The following PHACTR1 variants were observed in gnomAD, a reference collection of about 807,000 sequenced individuals.
PHACTR1 encodes the protein phosphatase and actin regulator 1, also known as RPEL repeat containing 1.
In PHACTR1, 16 loss-of-function variants were observed where a neutral mutation model predicts 69.2. That is an observed-to-expected ratio of 0.23 (90% CI 0.16 to 0.35). The LOEUF (loss-of-function observed/expected upper bound fraction) is 0.35, where lower values mean the gene tolerates loss of function less well. Ranked by LOEUF, PHACTR1 falls within the 10% of genes least tolerant of loss-of-function variation. PHACTR1 has a pLI of 1.00. For synonymous variants in PHACTR1, 312 were observed against 284.5 expected, an observed-to-expected ratio of 1.10 and a Z score of -0.97; for missense variants, 510 against 734.7, an observed-to-expected ratio of 0.69 and a Z score of 3.54.
intron 4 of PHACTR1, among the ~76,000 whole-genome samples, chr6:12,895,228 C>CTGG (rs1784548378): frequency 7.5e-6 from 1 of 133,392 alleles, no homozygotes; most frequent in Non-Finnish European, 1.5e-5. Context: ...GTTGCCCAGG[C>CTGG]TGGAGTGCAA....
intron 10 of PHACTR1, among the ~76,000 whole-genome samples, chr6:13,249,175 C>T (rs1045209278): frequency 7.9e-5 from 12 of 152,100 alleles, no homozygotes; most frequent in Non-Finnish European, 1.6e-4. Context: ...AGGAAACAGG[C>T]CCCACAGCAG....
chr6:13,158,601 A>T (rs1212582414), intron 5 of PHACTR1, among the ~76,000 whole-genome samples: 6 of 152,220 alleles, frequency 3.9e-5, no homozygotes, highest in African/African-American at 1.4e-4. Flanking sequence ...ATAATTAGTG[A>T]TTCTCAGCCG....
intron 8 of PHACTR1, among the ~76,000 whole-genome samples, chr6:13,219,838 G>A (rs1265168005): frequency 2.0e-5 from 3 of 152,162 alleles, no homozygotes; most frequent in Non-Finnish European, 4.4e-5. Context: ...GCATTTCATA[G>A]TCAGCATATA....
chr6:13,024,396 G>A (rs113203587), intron 4 of PHACTR1, among the ~76,000 whole-genome samples: 18 of 152,262 alleles, frequency 1.2e-4, no homozygotes, highest in African/African-American at 3.4e-4. Context: ...AACTGTCACC[G>A]GTCTGATGAG....
chr6:12,825,534 A>G (rs1776702752), intron 4 of PHACTR1, among the ~76,000 whole-genome samples: 1 of 152,164 alleles, frequency 6.6e-6, no homozygotes, highest in Non-Finnish European at 1.5e-5. Context: ...AATACAGCCA[A>G]TTTGTATTTT....
intron 4 of PHACTR1, among the ~76,000 whole-genome samples, chr6:12,801,216 A>C (rs916514507): frequency 1.3e-5 from 2 of 152,224 alleles, no homozygotes; most frequent in African/African-American, 4.8e-5. Context: ...TATTATAAAA[A>C]GGCTGAAAAG....
intron 5 of PHACTR1, among the ~76,000 whole-genome samples, chr6:13,114,431 G>A (rs182474631): frequency 8.5e-5 from 13 of 152,242 alleles, no homozygotes. Context: ...GCAGCATCGA[G>A]TCAACCCTCC....
chr6:13,111,181 A>G (rs138134472), intron 5 of PHACTR1, among the ~76,000 whole-genome samples: 239 of 152,322 alleles, frequency 1.6e-3, no homozygotes, highest in African/African-American at 5.4e-3. Context: ...AGCTCTTTGT[A>G]CAAATTACCA....
chr6:12,887,004 C>G (rs1211243654), intron 4 of PHACTR1, among the ~76,000 whole-genome samples: 1 of 152,096 alleles, frequency 6.6e-6, no homozygotes, highest in Non-Finnish European at 1.5e-5. Context: ...GATAAAATGG[C>G]TCCTCCTCCC....
chr6:13,180,214 GAT>G (rs1445994298), intron 6 of PHACTR1, among the ~76,000 whole-genome samples: 1 of 152,164 alleles, frequency 6.6e-6, no homozygotes, highest in Non-Finnish European at 1.5e-5. Flanking sequence ...GTAGGGTGGT[GAT>G]ATGATTAGTG....
intron 5 of PHACTR1, among the ~76,000 whole-genome samples, chr6:13,124,461 A>G (rs2127952228): frequency 6.6e-6 from 1 of 152,150 alleles, no homozygotes; most frequent in East Asian, 1.9e-4. Flanking sequence ...GGCTCACATG[A>G]CTCAGTCATT....
intron 8 of PHACTR1, among the ~76,000 whole-genome samples, chr6:13,224,319 G>C (rs1024826322): frequency 6.6e-6 from 1 of 152,206 alleles, no homozygotes; most frequent in Non-Finnish European, 1.5e-5. Context: ...CAAGTATTGA[G>C]AGAGAAATAG....
At chr6:13,239,439 G>A (rs1467541275) in intron 10 of PHACTR1, among the ~76,000 whole-genome samples, 1 of 152,076 alleles carries the variant, frequency 6.6e-6, no homozygotes, top group Non-Finnish European at 1.5e-5. Context: ...CTTCTGAAAG[G>A]TGCTCAGATG....
intron 4 of PHACTR1, among the ~76,000 whole-genome samples, chr6:12,915,516 A>G (rs1786880276): frequency 1.3e-5 from 2 of 148,446 alleles, no homozygotes; most frequent in African/African-American, 2.6e-5. Flanking sequence ...CAAAAAAAAA[A>G]AAAAGAAAAA....
intron 4 of PHACTR1, among the ~76,000 whole-genome samples, chr6:12,929,547 A>C (rs180791399): frequency 1.3e-5 from 2 of 152,356 alleles, no homozygotes; most frequent in East Asian, 3.9e-4. Context: ...TTGAAGGACC[A>C]TGGTTTAATC....
chr6:13,182,428 A>G (rs751760318), intron 6 of PHACTR1, 91 bp from the exon 7 acceptor site: 79 of 1,383,710 alleles, frequency 5.7e-5, no homozygotes, highest in Admixed American at 1.2e-4. Flanking sequence ...TTGATTGTTC[A>G]GCAGCATCTA....
chr6:13,219,946 A>C (rs901725111), intron 8 of PHACTR1, among the ~76,000 whole-genome samples: 16 of 152,200 alleles, frequency 1.1e-4, no homozygotes, highest in Non-Finnish European at 2.1e-4. Flanking sequence ...ACCTGAGTTC[A>C]CATCCTGCTG....
chr6:13,143,795 CAT>C (rs1226220432), intron 5 of PHACTR1, among the ~76,000 whole-genome samples: 1 of 151,780 alleles, frequency 6.6e-6, no homozygotes, highest in Non-Finnish European at 1.5e-5. Context: ...ATTATATAAA[CAT>C]AAAAAATTTA....
chr6:13,153,604 T>C (rs1215395422), intron 5 of PHACTR1, among the ~76,000 whole-genome samples: 1 of 152,176 alleles, frequency 6.6e-6, no homozygotes, highest in East Asian at 1.9e-4. Context: ...GTAGTTCTCT[T>C]TTGGTGTTTC....
Sources: allele counts gnomAD v4.1 joint callset (sites outside exome capture counted in the v4.1 genomes callset), GRCh38; gene constraint gnomAD v4.1.1; transcripts MANE v1.5; gene names NCBI Gene and HGNC (gene_info 2026-07-23, HGNC 2026-07-21).